TBC1D15: variants seen among roughly 807,000 people sequenced by gnomAD.
TBC1D15 encodes TBC1 domain family member 15.
Under a neutral mutation model 95.4 loss-of-function variants are expected in TBC1D15, and 39 were observed. The observed-to-expected ratio is 0.41, with a 90% CI of 0.32 to 0.53. The LOEUF (loss-of-function observed/expected upper bound fraction) is 0.53. Ranked by LOEUF, TBC1D15 falls within the 20% of genes least tolerant of loss-of-function variation. The pLI, the probability that TBC1D15 is intolerant of heterozygous loss-of-function variation, is 0.29. For synonymous variants in TBC1D15, 258 were observed against 261.3 expected (o/e 0.99, Z 0.12); for missense variants, 733 against 794.3 (o/e 0.92, Z 0.93).
chr12:71,857,536 AG>A (rs1286863083), intron 1 of TBC1D15, among the ~76,000 whole-genome samples: 1 of 152,190 alleles, frequency 6.6e-6, no homozygotes. Flanking sequence ...ATATTATTGA[AG>A]TTTTAGTTGG....
At chr12:71,851,972 A>G (rs554365109) in intron 1 of TBC1D15, among the ~76,000 whole-genome samples, 2 of 152,240 alleles carry the variant, frequency 1.3e-5, no homozygotes, top group East Asian at 3.9e-4. Context: ...CACCGATACT[A>G]CATTTCTCCT....
At chr12:71,876,690 TTTTG>T (rs1349804101) in intron 3 of TBC1D15, among the ~76,000 whole-genome samples, 3 of 150,336 alleles carry the variant, frequency 2.0e-5, no homozygotes, top group African/African-American at 7.6e-5. Context: ...CATTTCTTTT[TTTTG>T]TTTTGTTTTG....
intron 1 of TBC1D15, among the ~76,000 whole-genome samples, chr12:71,857,724 A>G (rs772908879): frequency 1.7e-4 from 26 of 152,346 alleles, no homozygotes; most frequent in Non-Finnish European, 3.4e-4. Context: ...CTGCTCTTCT[A>G]TTTGAAAATA....
chr12:71,903,812 G>A (rs990054895), intron 10 of TBC1D15, among the ~76,000 whole-genome samples: 5 of 151,784 alleles, frequency 3.3e-5, no homozygotes, highest in African/African-American at 9.7e-5. Context: ...TTAAGCACAC[G>A]TGGACACAAA....
intron 1 of TBC1D15, among the ~76,000 whole-genome samples, chr12:71,848,807 AT>A (rs1886985441): frequency 6.6e-6 from 1 of 152,170 alleles, no homozygotes; most frequent in African/African-American, 2.4e-5. Context: ...CTTGGACGTA[AT>A]TCCCTGTGGT....
chr12:71,898,628 T>G (rs557695576), intron 10 of TBC1D15, among the ~76,000 whole-genome samples: 36 of 152,260 alleles, frequency 2.4e-4, no homozygotes, highest in African/African-American at 8.7e-4. Flanking sequence ...TTTAATGTTC[T>G]TATTACACTG....
At chr12:71,911,013 C>T (rs1031415631) in intron 11 of TBC1D15, among the ~76,000 whole-genome samples, 1 of 152,076 alleles carries the variant, frequency 6.6e-6, no homozygotes, top group African/African-American at 2.4e-5. Context: ...CCAAAAAACA[C>T]ACGAAAAAAT....
intron 1 of TBC1D15, among the ~76,000 whole-genome samples, chr12:71,843,535 C>G (rs1036331119): frequency 6.6e-6 from 1 of 152,042 alleles, no homozygotes; most frequent in Admixed American, 6.6e-5. Flanking sequence ...AGGAGTATGT[C>G]TTATTTTTAA....
chr12:71,886,032 C>T (rs1896154613), intron 5 of TBC1D15, among the ~76,000 whole-genome samples: 1 of 152,100 alleles, frequency 6.6e-6, no homozygotes, highest in Non-Finnish European at 1.5e-5. Flanking sequence ...TCCAGTTATC[C>T]AGGTGAGATT....
At chr12:71,897,470 A>G (rs1163177263) in intron 9 of TBC1D15, among the ~76,000 whole-genome samples, 1 of 152,014 alleles carries the variant, frequency 6.6e-6, no homozygotes, top group African/African-American at 2.4e-5. Flanking sequence ...ATAATGTCAC[A>G]TTTTTTAAAA....
chr12:71,873,072 T>A, intron 3 of TBC1D15, 69 bp downstream of exon 3: 1 of 1,071,698 alleles, frequency 9.3e-7, no homozygotes, highest in Non-Finnish European at 1.4e-6. Context: ...CCATATATAA[T>A]TCACATACCA....
intron 3 of TBC1D15, among the ~76,000 whole-genome samples, chr12:71,876,822 T>G (rs908116117): frequency 4.0e-5 from 6 of 151,586 alleles, no homozygotes; most frequent in African/African-American, 1.5e-4. Flanking sequence ...TTTGTTTTGT[T>G]TTTTTTGAGA....
Position 71,863,964 on chromosome 12 carries a change from C to T in TBC1D15, c.31-8106C>T, listed in dbSNP as rs112826062. Among the ~76,000 whole-genome samples the T allele has an allele frequency of 2.6e-3, 388 of 151,548 alleles. 1 individual carries two copies. Among genetic ancestry groups the T allele is most frequent in the African/African-American group, 8.9e-3 (368 of 41,326 alleles). On this transcript the variant is annotated intron_variant, in intron 1 of 16. Coordinates refer to ENST00000485960, the MANE Select transcript of TBC1D15 (RefSeq NM_001146213.3). ...AATTATCTGTATTTTTTTTGTATTTCATTGTGTTTCCTCAAGGTTATTATT... is the reference window on the plus strand; with the variant it reads ...AATTATCTGTATTTTTTTTGTATTTTATTGTGTTTCCTCAAGGTTATTATT...
At chr12:71,873,269 A>T (rs1893069429) in intron 3 of TBC1D15, among the ~76,000 whole-genome samples, 1 of 151,972 alleles carries the variant, frequency 6.6e-6, no homozygotes, top group African/African-American at 2.4e-5. Context: ...GTCTCTAAGG[A>T]TTTGCCTGTT....
chr12:71,858,532 C>T (rs1889643945), intron 1 of TBC1D15, among the ~76,000 whole-genome samples: 1 of 145,914 alleles, frequency 6.9e-6, no homozygotes, highest in African/African-American at 2.5e-5. Flanking sequence ...ATTACTGGAT[C>T]ATATGCTAAT....
At chr12:71,921,490 GT>G in intron 16 of TBC1D15, 36 bp downstream of exon 16, 7 of 1,297,902 alleles carry the variant, frequency 5.4e-6, no homozygotes, top group Admixed American at 2.3e-5. Context: ...AGATTTGTTT[GT>G]TTTTGGTGGG....
intron 10 of TBC1D15, among the ~76,000 whole-genome samples, chr12:71,899,227 T>C (rs1405710691): frequency 6.6e-6 from 1 of 152,194 alleles, no homozygotes; most frequent in Admixed American, 6.5e-5. Flanking sequence ...TCTGATCCTT[T>C]CCAGGAGACT....
chr12:71,879,098 G>A lies in TBC1D15; in HGVS notation c.205-1371G>A, dbSNP rs187895225. On this transcript the variant is annotated intron_variant, in intron 3 of 16. Coordinates refer to ENST00000485960, the MANE Select transcript of TBC1D15 (RefSeq NM_001146213.3). ...GTAATAGAAAGTTGAAGCCCTGCTT[G>A]ACTAGAGTCTTTTCCCTTACCTGTC... Among the ~76,000 whole-genome samples the A allele has an allele frequency of 3.3e-5, 5 of 151,336 alleles. No homozygotes were observed. The East Asian group carries it at 9.7e-4, about 29-fold the overall frequency.
At chr12:71,886,433 G>T (rs1896248757) in intron 5 of TBC1D15, among the ~76,000 whole-genome samples, 1 of 152,226 alleles carries the variant, frequency 6.6e-6, no homozygotes, top group Non-Finnish European at 1.5e-5. Flanking sequence ...GCCTCCCGAA[G>T]TGCTAGGATT....
Sources: allele counts gnomAD v4.1 joint callset (sites outside exome capture counted in the v4.1 genomes callset), GRCh38; gene constraint gnomAD v4.1.1; transcripts MANE v1.5; gene names NCBI Gene and HGNC (gene_info 2026-07-23, HGNC 2026-07-21).